Variants in SOCS6 observed in about 807,000 individuals in gnomAD.
The protein encoded by SOCS6 is STAT induced STAT inhibitor-4.
Under a neutral mutation model 27.7 loss-of-function variants are expected in SOCS6, and 5 were observed. The observed-to-expected ratio is 0.18, with a 90% confidence interval of 0.09 to 0.38. The LOEUF (loss-of-function observed/expected upper bound fraction) is 0.38. SOCS6 is among the 10% of genes least tolerant of loss of function. The pLI is 1.00. For synonymous variants in SOCS6, 271 were observed against 260.0 expected (o/e 1.04, Z -0.41); for missense variants, 595 against 688.1 (o/e 0.86, Z 1.51).
At chr18:70,316,689 C>A (rs1182543195) in intron 1 of SOCS6, among the ~76,000 whole-genome samples, 1 of 151,738 alleles carries the variant, frequency 6.6e-6, no homozygotes, top group African/African-American at 2.4e-5. Context: ...CCATTTTTTT[C>A]TGTTAGAGGA....
intron 1 of SOCS6, among the ~76,000 whole-genome samples, chr18:70,291,901 G>C (rs2062301162): frequency 6.6e-6 from 1 of 152,168 alleles, no homozygotes; most frequent in East Asian, 1.9e-4. Context: ...TTGTTCAGCT[G>C]TTAAAAGAGG....
rs1911361746 is a variant in SOCS6, at chr18:70,330,102, T to C, written c.*3826T>C. On this transcript the variant is annotated 3_prime_UTR_variant, in exon 2 of 2. Transcript: ENST00000397942. The stretch of plus-strand genomic sequence containing the variant: ...TACGTGTTTTGGTTTGTAAACAAAT[T>C]ATAGTAATTTCTTGCACATTTTTGG... The C allele has an allele frequency of 6.0e-6, 1 of 167,108 alleles. No homozygotes were observed. The highest frequency in any genetic ancestry group is 1.5e-5 in the Non-Finnish European group (1 of 68,126). The allele number at this position is 167,108 out of a possible 1,614,324, so 10.4% of individuals were successfully genotyped here.
chr18:70,314,865 G>GTATA (rs59769890), intron 1 of SOCS6, among the ~76,000 whole-genome samples: 9,956 of 150,074 alleles, frequency 0.066, 348 homozygotes, highest in Middle Eastern at 0.11. Context: ...GATTTTGTGT[G>GTATA]TATATATATA....
intron 1 of SOCS6, among the ~76,000 whole-genome samples, chr18:70,302,668 G>A (rs1432729204): frequency 6.6e-6 from 1 of 152,096 alleles, no homozygotes; most frequent in Non-Finnish European, 1.5e-5. Flanking sequence ...AGCTGAGTAG[G>A]AAGGGAAGAG....
At chr18:70,323,066 G>A (rs1911048141) in intron 1 of SOCS6, among the ~76,000 whole-genome samples, 1 of 152,214 alleles carries the variant, frequency 6.6e-6, no homozygotes, top group Admixed American at 6.5e-5. Flanking sequence ...CAGAGGCCGA[G>A]TAGGGGCTTA....
In SOCS6 at chr18:70,329,975, G is replaced by T. The variant is rs1381218341; in HGVS notation, c.*3699G>T. On this transcript the variant is annotated 3_prime_UTR_variant, in exon 2 of 2. Transcript: ENST00000397942. ...CCATGAAATTAATACTTGCAATTCA[G>T]ATTGCGGTAGTTTACACTTTTTCTG... 1 of 167,058 alleles carries T rather than the reference G, an allele frequency of 6.0e-6. No individual in the cohort carries two copies. The highest frequency in any genetic ancestry group is 2.4e-5 in the African/African-American group (1 of 41,456). 10.3% of individuals were successfully genotyped at this position (167,058 alleles called of 1,614,324 possible).
At chr18:70,303,267 C>T (rs954496888) in intron 1 of SOCS6, among the ~76,000 whole-genome samples, 12 of 152,138 alleles carry the variant, frequency 7.9e-5, no homozygotes, top group African/African-American at 2.7e-4. Flanking sequence ...ATATCAATTT[C>T]ACTGGTTCTC....
In SOCS6 at chr18:70,329,838, G is replaced by GT. The variant is rs1911350899; in HGVS notation, c.*3565dup. 1 of 167,018 alleles carries GT rather than the reference G, an allele frequency of 6.0e-6. No individual in the cohort carries two copies. 10.3% of individuals were successfully genotyped at this position (167,018 alleles called of 1,614,324 possible). ...TAACATGGCGAAGTGTGTAGTTGCT[G>GT]TTTCTGAAAAGTGATCCAAACTCTA... On this transcript the variant is annotated 3_prime_UTR_variant, in exon 2 of 2. Transcript: ENST00000397942.
intron 1 of SOCS6, among the ~76,000 whole-genome samples, chr18:70,311,727 A>G (rs774938029): frequency 1.7e-4 from 26 of 152,190 alleles, no homozygotes; most frequent in Non-Finnish European, 3.2e-4. Flanking sequence ...TGATCTTTGC[A>G]TTTAGTTTTA....
chr18:70,305,382 C>T (rs538139210), intron 1 of SOCS6, among the ~76,000 whole-genome samples: 4 of 152,288 alleles, frequency 2.6e-5, no homozygotes, highest in Non-Finnish European at 5.9e-5. Context: ...CGTCTTGGGA[C>T]GTTTCTTGAA....
chr18:70,312,038 C>T (rs901242465), intron 1 of SOCS6, among the ~76,000 whole-genome samples: 3 of 152,190 alleles, frequency 2.0e-5, no homozygotes, highest in Non-Finnish European at 4.4e-5. Context: ...CTGCAAACAT[C>T]TGTGTAGCCT....
At chr18:70,303,640 A>G (rs1021086583) in intron 1 of SOCS6, among the ~76,000 whole-genome samples, 5 of 152,122 alleles carry the variant, frequency 3.3e-5, no homozygotes, top group Non-Finnish European at 7.4e-5. Flanking sequence ...TAAAAATACA[A>G]AAATTAGCTG....
chr18:70,303,318 C>CA (rs2062356533), intron 1 of SOCS6, among the ~76,000 whole-genome samples: 1 of 152,138 alleles, frequency 6.6e-6, no homozygotes, highest in African/African-American at 2.4e-5. Context: ...TTTCTTTACT[C>CA]ATACTGTTGG....
At position 70,325,418 on chromosome 18, in the gene SOCS6, C is replaced by T. The variant is rs2231564; in HGVS notation, c.750C>T (p.Val250=). 1.3e-3 allele frequency: 2,047 copies of T among 1,614,200 alleles called. 25 individuals carry two copies. The African/African-American group carries it at 0.023, about 18-fold the overall frequency. ...YCLDSSSPME[V]SAVPPQVGGR... ...TGGACAGCTCTTCTCCCATGGAAGT[C>T]TCTGCGGTTCCTCCTCAAGTGGGAG... The change falls in exon 2 of 2, where the codon GTC becomes GTT. Residue 250 remains valine (V), a synonymous_variant. Transcript: ENST00000397942. The surrounding 1 kb of genome is among the most constrained non-coding windows in gnomAD (Gnocchi z 6.3).
In SOCS6 at chr18:70,328,810, C is replaced by T. The variant is rs1409848437; in HGVS notation, c.*2534C>T. 6.0e-6 allele frequency: 1 copy of T among 166,966 alleles called. No homozygotes were observed. The highest frequency in any genetic ancestry group is 2.4e-5 in the African/African-American group (1 of 41,438). 10.3% of individuals were successfully genotyped at this position (166,966 alleles called of 1,614,324 possible). A position where few individuals can be genotyped will look rare whatever the true frequency, so the allele number is the denominator to read the frequency against. ...AAAGATTGGCTTTATATGATACTAA[C>T]ACAGTCCAGTTAAAAGTGGAAACAG... On this transcript the variant is annotated 3_prime_UTR_variant, in exon 2 of 2. Coordinates refer to ENST00000397942, the MANE Select transcript of SOCS6 (RefSeq NM_004232.4).
chr18:70,307,285 A>G (rs1322086574), intron 1 of SOCS6, among the ~76,000 whole-genome samples: 5 of 152,192 alleles, frequency 3.3e-5, no homozygotes, highest in Admixed American at 1.3e-4. Flanking sequence ...GAATTTTTCT[A>G]TCAGTGTTCA....
Position 70,325,489 on chromosome 18 carries a change from T to A in SOCS6, c.821T>A (p.Val274Asp). 1 of 1,614,176 alleles carries A rather than the reference T, an allele frequency of 6.2e-7. No homozygotes were observed. Among genetic ancestry groups the A allele is most frequent in the Non-Finnish European group, 8.5e-7 (1 of 1,180,038 alleles). Residue 274 changes from valine to aspartate, a missense_variant, in exon 2 of 2, where the codon GTT becomes GAT. Around this residue, in one of 2 missense-constraint regions of SOCS6, gnomAD observed 467 missense variants for 481.1 expected, o/e 0.97. Coordinates refer to ENST00000397942, the MANE Select transcript of SOCS6 (RefSeq NM_004232.4). The surrounding 1 kb of genome is among the most constrained non-coding windows in gnomAD (Gnocchi z 6.3). ...GAGAGTCAGGTAGACCAGGACCTAG[T>A]TGTCGCCCCAGAGATCTTCGTGGAT... ...EDESQVDQDL[V>D]VAPEIFVDQS...
intron 1 of SOCS6, among the ~76,000 whole-genome samples, chr18:70,299,992 C>G (rs888257257): frequency 6.6e-6 from 1 of 152,098 alleles, no homozygotes; most frequent in Non-Finnish European, 1.5e-5. Context: ...GCCAATCCCC[C>G]ATGAATACCG....
chr18:70,327,366 T>G lies in SOCS6; in HGVS notation c.*1090T>G, dbSNP rs1911249180. ...CTATGTAGTTACTATAAAAGTGTGC[T>G]GGATTTGACCAATCCTTACCCCCAC... On this transcript the variant is annotated 3_prime_UTR_variant, in exon 2 of 2. Coordinates refer to ENST00000397942, the MANE Select transcript of SOCS6 (RefSeq NM_004232.4). The G allele has an allele frequency of 1.8e-5, 3 of 166,836 alleles. No individual in the cohort carries two copies. 10.3% of individuals were successfully genotyped at this position (166,836 alleles called of 1,614,324 possible).
Sources: gnomAD v4.1 joint callset for allele counts (sites outside exome capture counted in the v4.1 genomes callset) on GRCh38, gnomAD v4.1.1 for gene constraint, gnomAD v4.1.1 regional missense constraint, Gnocchi (gnomAD v3.1) non-coding constraint, MANE v1.5 for transcripts, NCBI Gene and HGNC (gene_info 2026-07-23, HGNC 2026-07-21) for gene names.